Variants in PCDH15 observed in about 807,000 individuals in gnomAD.
PCDH15 encodes protocadherin-15.
In PCDH15, 129 loss-of-function variants were observed where a neutral mutation model predicts 178.5. The ratio of observed to expected loss-of-function variants is 0.72; its 90% confidence interval spans 0.63 to 0.84. The LOEUF (loss-of-function observed/expected upper bound fraction) is 0.84. Ranked by LOEUF, PCDH15 falls within the 40% of genes least tolerant of loss-of-function variation. The pLI is 0.00. For missense variants in PCDH15, 2,230 were observed against 2,099.9 expected (o/e 1.06, Z -1.21); for synonymous variants, 800 against 732.0 (o/e 1.09, Z -1.50).
At chr10:54,059,045 C>T (rs1226887493) in intron 18 of PCDH15, among the ~76,000 whole-genome samples, 1 of 152,124 alleles carries the variant, frequency 6.6e-6, no homozygotes, top group African/African-American at 2.4e-5. Context: ...TCATCAGCCC[C>T]ATCCTCCACC....
intron 18 of PCDH15, among the ~76,000 whole-genome samples, chr10:54,041,182 G>A (rs991459370): frequency 6.6e-6 from 1 of 152,084 alleles, no homozygotes; most frequent in African/African-American, 2.4e-5. Flanking sequence ...GGCACAAAAT[G>A]TGCCTTGTTC....
chr10:55,232,029 T>C (rs2132199306), intron 1 of PCDH15, among the ~76,000 whole-genome samples: 1 of 152,106 alleles, frequency 6.6e-6, no homozygotes, highest in African/African-American at 2.4e-5. Context: ...ACAAATGTAG[T>C]TATATAATTT....
chr10:54,910,033 T>C (rs2131833579), intron 2 of PCDH15, among the ~76,000 whole-genome samples: 1 of 152,234 alleles, frequency 6.6e-6, no homozygotes, highest in East Asian at 1.9e-4. Flanking sequence ...GTTGAGGCCA[T>C]GGCAAAGACC....
intron 2 of PCDH15, among the ~76,000 whole-genome samples, chr10:54,913,379 C>T (rs929999285): frequency 3.9e-5 from 6 of 152,222 alleles, no homozygotes; most frequent in African/African-American, 1.4e-4. Context: ...GCATTGGCAG[C>T]TTCCATATGT....
chr10:54,215,563 T>C (rs1011454372), intron 9 of PCDH15, among the ~76,000 whole-genome samples: 8 of 152,180 alleles, frequency 5.3e-5, no homozygotes, highest in African/African-American at 1.7e-4. Flanking sequence ...TGAGCACTAG[T>C]CATAGATGAA....
intron 17 of PCDH15, among the ~76,000 whole-genome samples, chr10:54,070,887 C>T (rs950573160): frequency 5.9e-5 from 9 of 152,048 alleles, no homozygotes; most frequent in African/African-American, 1.2e-4. Context: ...CCGCGATATC[C>T]AGCTCATCTT....
intron 8 of PCDH15, among the ~76,000 whole-genome samples, chr10:54,265,826 C>A (rs535798369): frequency 1.3e-5 from 2 of 152,076 alleles, no homozygotes; most frequent in Admixed American, 6.6e-5. Flanking sequence ...TCAGTAATAA[C>A]TGGGGACTTC....
intron 3 of PCDH15, among the ~76,000 whole-genome samples, chr10:54,848,098 G>A (rs1358375731): frequency 6.6e-6 from 1 of 152,160 alleles, no homozygotes; most frequent in Non-Finnish European, 1.5e-5. Flanking sequence ...TAATAAATTA[G>A]TCCAGTGCAT....
intron 21 of PCDH15, among the ~76,000 whole-genome samples, chr10:53,989,679 A>G (rs1467118498): frequency 2.0e-5 from 3 of 152,140 alleles, no homozygotes; most frequent in Non-Finnish European, 4.4e-5. Context: ...AGGGGAAAAA[A>G]AGCAACAACA....
chr10:54,804,938 T>TATATATATATATACAC (rs1328208893), upstream of PCDH15, among the ~76,000 whole-genome samples: 3 of 126,416 alleles, frequency 2.4e-5, no homozygotes, highest in Middle Eastern at 3.9e-3. Context: ...TATATATATA[T>TATATATATATATACAC]ATATATATAT....
chr10:54,513,251 T>TTATA (rs1283062124), intron 3 of PCDH15, among the ~76,000 whole-genome samples: 6 of 145,826 alleles, frequency 4.1e-5, no homozygotes, highest in African/African-American at 1.5e-4. Context: ...GTTTATTTAT[T>TTATA]TATTTATTTA....
intron 1 of PCDH15, among the ~76,000 whole-genome samples, chr10:54,719,154 G>C (rs368991979): frequency 0.12 from 18,510 of 149,996 alleles, 1,261 homozygotes; most frequent in African/African-American, 0.17. Context: ...TTAAAAAAGG[G>C]TAGATATCAT....
At chr10:55,159,815 CAT>C (rs1219391561) in intron 2 of PCDH15, among the ~76,000 whole-genome samples, 1 of 147,976 alleles carries the variant, frequency 6.8e-6, no homozygotes, top group Non-Finnish European at 1.5e-5. Flanking sequence ...ATATATAAAA[CAT>C]ATATATTACA....
intron 33 of PCDH15, among the ~76,000 whole-genome samples, chr10:53,819,431 G>A (rs974747993): frequency 2.0e-5 from 3 of 151,834 alleles, no homozygotes; most frequent in Non-Finnish European, 4.4e-5. Flanking sequence ...ACTTGAAAGA[G>A]GTACATAACA....
At chr10:54,721,700 A>G (rs1027427914) in intron 1 of PCDH15, among the ~76,000 whole-genome samples, 2 of 151,870 alleles carry the variant, frequency 1.3e-5, no homozygotes, top group African/African-American at 4.8e-5. Context: ...TAGACCCATA[A>G]TGACTAACAA....
At chr10:54,345,599 C>T (rs1943107751) in intron 6 of PCDH15, among the ~76,000 whole-genome samples, 2 of 151,372 alleles carry the variant, frequency 1.3e-5, no homozygotes, top group Non-Finnish European at 2.9e-5. Flanking sequence ...GGAAATGATT[C>T]ATGGCCTTAA....
intron 2 of PCDH15, among the ~76,000 whole-genome samples, chr10:55,118,878 T>C (rs944119961): frequency 5.3e-5 from 8 of 152,188 alleles, no homozygotes; most frequent in South Asian, 2.1e-4. Context: ...ACGACACTTA[T>C]AATTGACTTA....
intron 1 of PCDH15, among the ~76,000 whole-genome samples, chr10:55,169,692 T>C (rs1481675562): frequency 1.3e-5 from 2 of 152,212 alleles, no homozygotes; most frequent in African/African-American, 4.8e-5. Context: ...AACTACGTCA[T>C]ATGTTGCTAT....
At chr10:55,125,730 T>C (rs927585517) in intron 2 of PCDH15, among the ~76,000 whole-genome samples, 1 of 151,950 alleles carries the variant, frequency 6.6e-6, no homozygotes, top group Non-Finnish European at 1.5e-5. Flanking sequence ...ACAGCATCAG[T>C]TTTTTTGTTT....
Sources: gnomAD v4.1 joint callset for allele counts (sites outside exome capture counted in the v4.1 genomes callset) on GRCh38, gnomAD v4.1.1 for gene constraint, MANE v1.5 for transcripts, NCBI Gene and HGNC (gene_info 2026-07-23, HGNC 2026-07-21) for gene names.